The following EMC7 variants were observed in gnomAD, a reference collection of about 807,000 sequenced individuals.
EMC7 encodes ER membrane protein complex subunit 7, also known as endoplasmic reticulum membrane protein complex subunit 7.
EMC7 carries 4 observed loss-of-function variants against 24.4 expected under a neutral mutation model. The ratio of observed to expected loss-of-function variants is 0.16; its 90% CI spans 0.08 to 0.38. EMC7 has a LOEUF of 0.38. EMC7 is among the 10% of genes least tolerant of loss of function. The pLI is 1.00. For synonymous variants in EMC7, 106 were observed against 112.0 expected, an observed-to-expected ratio of 0.95 and a Z score of 0.34; for missense variants, 221 against 300.6, an observed-to-expected ratio of 0.74 and a Z score of 1.96.
intron 3 of EMC7, among the ~76,000 whole-genome samples, chr15:34,089,135 C>T (rs1411997438): frequency 1.3e-5 from 2 of 152,158 alleles, no homozygotes; most frequent in African/African-American, 2.4e-5. Flanking sequence ...GGATTACAGG[C>T]GTGAGCCACC....
At chr15:34,092,935 C>T (rs548285198) in intron 2 of EMC7, among the ~76,000 whole-genome samples, 1 of 152,298 alleles carries the variant, frequency 6.6e-6, no homozygotes, top group African/African-American at 2.4e-5. Flanking sequence ...CATAGCCTAG[C>T]TTAGCCTACC....
chr15:34,089,648 A>G (rs1159183999), intron 3 of EMC7, among the ~76,000 whole-genome samples: 29 of 152,198 alleles, frequency 1.9e-4, no homozygotes, highest in Non-Finnish European at 2.9e-5. Flanking sequence ...CACATTCATC[A>G]ATGGACTAAT....
intron 2 of EMC7, among the ~76,000 whole-genome samples, chr15:34,093,659 T>C (rs1015884570): frequency 2.5e-4 from 37 of 150,014 alleles, no homozygotes; most frequent in Non-Finnish European, 5.2e-4. Flanking sequence ...ATATAACATA[T>C]ACTGTGATCC....
chr15:34,089,281 A>G (rs574044622), intron 3 of EMC7, among the ~76,000 whole-genome samples: 1 of 152,330 alleles, frequency 6.6e-6, no homozygotes, highest in Admixed American at 6.5e-5. Flanking sequence ...TTAAAATCAC[A>G]ATCAAAGAGT....
At chr15:34,094,907 T>C (rs969938460) in intron 2 of EMC7, among the ~76,000 whole-genome samples, 28 of 152,176 alleles carry the variant, frequency 1.8e-4, no homozygotes, top group African/African-American at 6.8e-4. Context: ...TATTTACATA[T>C]TACATTTTTA....
intron 1 of EMC7, 55 bp downstream of exon 1, chr15:34,101,549 G>T: frequency 6.4e-7 from 1 of 1,564,322 alleles, no homozygotes. Context: ...CTCCTGGTGG[G>T]GTCCCTGTCC....
intron 1 of EMC7, 65 bp from the exon 2 acceptor site, chr15:34,096,079 A>C: frequency 7.1e-7 from 1 of 1,410,660 alleles, no homozygotes; most frequent in East Asian, 2.5e-5. Flanking sequence ...TTACTTGCTA[A>C]TTCCCAAATC....
intron 3 of EMC7, among the ~76,000 whole-genome samples, chr15:34,089,058 A>G (rs972257988): frequency 1.3e-5 from 2 of 152,148 alleles, no homozygotes; most frequent in South Asian, 2.1e-4. Context: ...AGGTTTCACC[A>G]TGTTGGCCAG....
At chr15:34,095,183 A>G (rs1304709360) in intron 2 of EMC7, among the ~76,000 whole-genome samples, 1 of 152,244 alleles carries the variant, frequency 6.6e-6, no homozygotes, top group African/African-American at 2.4e-5. Flanking sequence ...TTGATAGCTT[A>G]AAGAAGAGAC....
chr15:34,085,661 T>A (rs1900868588), intron 4 of EMC7, among the ~76,000 whole-genome samples: 1 of 152,078 alleles, frequency 6.6e-6, no homozygotes, highest in Admixed American at 6.6e-5. Context: ...GATTCCTAAA[T>A]TTTAAAGGAG....
rs746638033 is a variant in EMC7, at chr15:34,095,884, G to A, written c.356+11C>T. 2 of 1,591,756 alleles carry A rather than the reference G, an allele frequency of 1.3e-6. No individual in the cohort carries two copies. The highest frequency in any genetic ancestry group is 1.1e-5 in the South Asian group (1 of 88,504). ...CTAGCTTTTGGCAAAAATTAAATCA[G>A]GTGCCCTCACCTCATTTTTCCTTTC... is the stretch of plus-strand genomic sequence containing the variant. On this transcript the variant is annotated intron_variant, in intron 2 of 4. Transcript: ENST00000256545.
Position 34,101,794 on chromosome 15 carries a change from G to C in EMC7, c.46C>G (p.Leu16Val). 1 of 1,612,334 alleles carries C rather than the reference G, an allele frequency of 6.2e-7. No homozygotes were observed. Residue 16 changes from leucine to valine, a missense_variant, in exon 1 of 5, where the codon CTG (leucine) becomes GTG (valine). Physicochemically the swap from Leu to Val is conservative, Grantham distance 32 (BLOSUM62 1). This residue lies in a region of EMC7 where 156 missense variants were observed against 177.1 expected (regional missense o/e 0.88). Transcript: ENST00000256545. ...WGFFPVLLLL[L>V]LSGDVQSSEV... ...GAGCTCTGGACATCCCCCGATAGCA[G>C]CAGCAGCAGCAGGACGGGAAAGAAG...
chr15:34,091,256 T>G lies in EMC7; in HGVS notation c.357-801A>C, dbSNP rs144563353. Among the ~76,000 whole-genome samples the G allele has an allele frequency of 9.9e-4, 151 of 152,332 alleles. 2 individuals are homozygous for G. In the East Asian group the frequency reaches 0.019, roughly 19 times the overall value. Reference sequence around the variant, plus strand: ...CAGTCTTTTATTTCCTTAAGTACTTTAAATATACATTAAATTATTTTACAG... The same window carrying G: ...CAGTCTTTTATTTCCTTAAGTACTTGAAATATACATTAAATTATTTTACAG... On this transcript the variant is annotated intron_variant, in intron 2 of 4. Coordinates refer to ENST00000256545, the MANE Select transcript of EMC7 (RefSeq NM_020154.3).
At chr15:34,088,172 C>T in intron 3 of EMC7, 39 bp from the exon 4 acceptor site, 7 of 1,554,230 alleles carry the variant, frequency 4.5e-6, no homozygotes, top group Non-Finnish European at 6.1e-6. Context: ...TTTTCCCCCA[C>T]TTTACAGTTA....
chr15:34,094,089 A>G (rs1453576610), intron 2 of EMC7, among the ~76,000 whole-genome samples: 1 of 151,808 alleles, frequency 6.6e-6, no homozygotes. Context: ...GCATTAGAGT[A>G]TTACTTTCCT....
chr15:34,100,377 G>T (rs369574075), intron 1 of EMC7, among the ~76,000 whole-genome samples: 6 of 152,034 alleles, frequency 3.9e-5, no homozygotes, highest in East Asian at 1.9e-4. Context: ...AAACATTAAG[G>T]GTTGTTTTCC....
chr15:34,099,209 A>G (rs150809850), intron 1 of EMC7, among the ~76,000 whole-genome samples: 3,385 of 152,290 alleles, frequency 0.022, 131 homozygotes, highest in African/African-American at 0.077. Flanking sequence ...GAAAAAAATT[A>G]ATGAGGTACA....
chr15:34,097,652 G>A (rs1362324656), intron 1 of EMC7, among the ~76,000 whole-genome samples: 7 of 152,062 alleles, frequency 4.6e-5, no homozygotes, highest in East Asian at 1.9e-4. Flanking sequence ...GAGAATTCCC[G>A]ATATCATAAT....
In EMC7 at chr15:34,090,434, G is replaced by T. The variant is rs1487708199; in HGVS notation, c.378C>A (p.Ile126=). ...GCAGTCTGACAACCTCTGATGTTTT[G>T]ATGTAATTCACATATCTTGCTCTGA... ...GKMRARYVNY[I]KTSEVVRLPY... is the part of the protein sequence containing the mutation. The change falls in exon 3 of 5, where the codon ATC becomes ATA. Residue 126 remains isoleucine, a synonymous_variant. Coordinates refer to ENST00000256545, the MANE Select transcript of EMC7 (RefSeq NM_020154.3). 1.2e-6 allele frequency: 2 copies of T among 1,613,284 alleles called. No individual in the cohort carries two copies. The highest frequency in any genetic ancestry group is 2.7e-5 in the African/African-American group (2 of 74,966).
Sources: gnomAD v4.1 joint callset for allele counts (sites outside exome capture counted in the v4.1 genomes callset) on GRCh38, gnomAD v4.1.1 for gene constraint, gnomAD v4.1.1 regional missense constraint, MANE v1.5 for transcripts, NCBI Gene and HGNC (gene_info 2026-07-23, HGNC 2026-07-21) for gene names.